Variants in RANBP17 observed in about 807,000 individuals in gnomAD.
RANBP17 encodes the protein RAN binding protein 17, also known as ran-binding protein 17.
In RANBP17, 158 loss-of-function variants were observed where a neutral mutation model predicts 141.2. The ratio of observed to expected loss-of-function variants is 1.12; its 90% CI spans 0.98 to 1.28. RANBP17 has a LOEUF of 1.28. Ranked by LOEUF, RANBP17 falls within the 50% of genes most tolerant of loss-of-function variation. The pLI is 0.00. For synonymous variants in RANBP17, 430 were observed against 450.0 expected, an observed-to-expected ratio of 0.96 and a Z score of 0.56; for missense variants, 1,438 against 1,290.7, an observed-to-expected ratio of 1.11 and a Z score of -1.75.
At chr5:171,226,509 G>C (rs1028452253) in intron 22 of RANBP17, among the ~76,000 whole-genome samples, 1 of 152,048 alleles carries the variant, frequency 6.6e-6, no homozygotes, top group Non-Finnish European at 1.5e-5. Flanking sequence ...GTATGCTCTG[G>C]GTGTATGTAA....
chr5:171,227,506 G>A (rs922939782), intron 22 of RANBP17, among the ~76,000 whole-genome samples: 7 of 152,208 alleles, frequency 4.6e-5, no homozygotes, highest in African/African-American at 1.7e-4. Flanking sequence ...ACAGAAAAAG[G>A]CCACCTCCAT....
intron 14 of RANBP17, among the ~76,000 whole-genome samples, chr5:171,084,276 A>G (rs1384718509): frequency 6.7e-6 from 1 of 148,208 alleles, no homozygotes; most frequent in Non-Finnish European, 1.5e-5. Flanking sequence ...CCATGTCCCT[A>G]CAAAGGACAT....
intron 13 of RANBP17, among the ~76,000 whole-genome samples, chr5:170,956,943 A>G (rs976687699): frequency 2.0e-5 from 3 of 151,460 alleles, no homozygotes; most frequent in Non-Finnish European, 3.0e-5. Context: ...GGTGGCGGGC[A>G]TCTGTAGTCC....
chr5:171,073,346 A>C (rs1051078279), intron 14 of RANBP17, among the ~76,000 whole-genome samples: 2 of 152,188 alleles, frequency 1.3e-5, no homozygotes, highest in East Asian at 3.8e-4. Flanking sequence ...ACTAAAGACA[A>C]AAACATTGAA....
chr5:171,248,397 A>G lies in RANBP17; in HGVS notation c.2776+5577A>G, dbSNP rs114168898. ...AAAAAAAAAAAAGAACTCACAGGAA[A>G]CATTTAAGGCACAGAAAGAGAAGGA... is the stretch of plus-strand genomic sequence containing the variant. On this transcript the variant is annotated intron_variant, in intron 24 of 27. Transcript: ENST00000523189. Among the ~76,000 whole-genome samples, 656 of 152,128 alleles carry G rather than the reference A, an allele frequency of 4.3e-3. 3 individuals are homozygous for G. Among genetic ancestry groups the G allele is most frequent in the Non-Finnish European group, 7.9e-3 (538 of 67,966 alleles).
intron 14 of RANBP17, among the ~76,000 whole-genome samples, chr5:171,023,309 T>G (rs1029821184): frequency 6.6e-6 from 1 of 152,236 alleles, no homozygotes; most frequent in African/African-American, 2.4e-5. Flanking sequence ...TTTATAACTT[T>G]TATATTTCTG....
At chr5:170,903,116 G>T (rs2059178) in intron 5 of RANBP17, among the ~76,000 whole-genome samples, 4 of 152,194 alleles carry the variant, frequency 2.6e-5, no homozygotes, top group East Asian at 1.9e-4. Flanking sequence ...CCTTCCCCCA[G>T]GTGCTCTGTT....
At chr5:171,068,442 T>C (rs1445404470) in intron 14 of RANBP17, among the ~76,000 whole-genome samples, 1 of 152,236 alleles carries the variant, frequency 6.6e-6, no homozygotes, top group African/African-American at 2.4e-5. Context: ...GTGCATAGCT[T>C]ATACTTTCCT....
At chr5:170,897,267 A>C in intron 5 of RANBP17, 1 of 639,648 alleles carries the variant, frequency 1.6e-6, no homozygotes, top group Non-Finnish European at 3.0e-6. Flanking sequence ...AAGTTGGCAG[A>C]GCACTGTGAT....
intron 14 of RANBP17, among the ~76,000 whole-genome samples, chr5:171,129,607 A>G (rs1756755878): frequency 2.0e-5 from 3 of 152,202 alleles, no homozygotes; most frequent in Non-Finnish European, 4.4e-5. Flanking sequence ...AATCATGTCT[A>G]ATGGGACTGT....
At chr5:171,107,006 A>G (rs567010767) in intron 14 of RANBP17, among the ~76,000 whole-genome samples, 1 of 148,534 alleles carries the variant, frequency 6.7e-6, no homozygotes, top group South Asian at 2.3e-4. Flanking sequence ...CTTGGGGTTT[A>G]GGACCCACGT....
intron 4 of RANBP17, among the ~76,000 whole-genome samples, 168 bp from the exon 5 acceptor site, chr5:170,895,882 A>G (rs1463085249): frequency 2.0e-5 from 3 of 152,172 alleles, no homozygotes; most frequent in Non-Finnish European, 2.9e-5. Context: ...TCTTTTGTTT[A>G]TAGAACTCAT....
intron 14 of RANBP17, among the ~76,000 whole-genome samples, chr5:171,100,830 C>T (rs148518868): frequency 0.047 from 7,104 of 152,158 alleles, 210 homozygotes; most frequent in East Asian, 0.12. Context: ...AAAGAACTTA[C>T]TTATTTCTGC....
chr5:171,057,877 C>G (rs556264344), intron 14 of RANBP17, among the ~76,000 whole-genome samples: 1 of 152,080 alleles, frequency 6.6e-6, no homozygotes, highest in Non-Finnish European at 1.5e-5. Flanking sequence ...ATCCAATTAC[C>G]TACACCTGGT....
At chr5:171,280,464 G>A (rs888808042) in intron 25 of RANBP17, among the ~76,000 whole-genome samples, 1 of 152,000 alleles carries the variant, frequency 6.6e-6, no homozygotes, top group Non-Finnish European at 1.5e-5. Context: ...ATTTTTGGTG[G>A]AGACGGGGTT....
chr5:171,159,935 A>AAAAAAAG (rs1561716474), intron 14 of RANBP17, among the ~76,000 whole-genome samples: 1 of 150,168 alleles, frequency 6.7e-6, no homozygotes, highest in Admixed American at 6.6e-5. Context: ...AAAAAAAAAA[A>AAAAAAAG]AAAAAAGAAA....
At chr5:171,106,170 A>G (rs968366280) in intron 14 of RANBP17, among the ~76,000 whole-genome samples, 1 of 152,222 alleles carries the variant, frequency 6.6e-6, no homozygotes, top group Non-Finnish European at 1.5e-5. Flanking sequence ...GAGACTGACA[A>G]AAAACAGTAC....
At chr5:171,153,037 A>C (rs1758601542) in intron 14 of RANBP17, among the ~76,000 whole-genome samples, 1 of 152,238 alleles carries the variant, frequency 6.6e-6, no homozygotes, top group Admixed American at 6.5e-5. Flanking sequence ...TTTTCTTAGC[A>C]AGGTTTGAGA....
intron 16 of RANBP17, among the ~76,000 whole-genome samples, chr5:171,175,243 A>G (rs74840840): frequency 0.065 from 9,874 of 152,234 alleles, 426 homozygotes; most frequent in East Asian, 0.12. Flanking sequence ...CATTGTGAAT[A>G]GTGCTGCAGT....
Sources: gnomAD v4.1 joint callset for allele counts (sites outside exome capture counted in the v4.1 genomes callset) on GRCh38, gnomAD v4.1.1 for gene constraint, MANE v1.5 for transcripts, NCBI Gene and HGNC (gene_info 2026-07-23, HGNC 2026-07-21) for gene names.